The following NBEA variants were observed in gnomAD, a reference collection of about 807,000 sequenced individuals.
NBEA encodes the protein lysosomal-trafficking regulator 2.
In NBEA, 44 loss-of-function variants were observed where a neutral mutation model predicts 343.4. The ratio of observed to expected loss-of-function variants is 0.13; its 90% confidence interval spans 0.10 to 0.16. The LOEUF is 0.16. Among genes scored for constraint, NBEA ranks in the 10% least tolerant of loss-of-function variants. The pLI is 1.00. For missense variants in NBEA, 2,555 were observed against 3,631.3 expected, an observed-to-expected ratio of 0.70 and a Z score of 7.62; for synonymous variants, 1,175 against 1,238.7, an observed-to-expected ratio of 0.95 and a Z score of 1.08.
intron 38 of NBEA, among the ~76,000 whole-genome samples, chr13:35,402,153 T>G (rs1476204791): frequency 6.6e-6 from 1 of 151,944 alleles, no homozygotes; most frequent in East Asian, 1.9e-4. Context: ...AATATAAAAT[T>G]TAAATATAAT....
chr13:35,294,194 A>AAAT (rs1317408556), intron 35 of NBEA, among the ~76,000 whole-genome samples: 1 of 152,006 alleles, frequency 6.6e-6, no homozygotes, highest in Non-Finnish European at 1.5e-5. Flanking sequence ...TCAAAGCATT[A>AAAT]ACCCAGGACT....
At chr13:35,049,794 G>A (rs761649449) in intron 5 of NBEA, among the ~76,000 whole-genome samples, 5 of 151,718 alleles carry the variant, frequency 3.3e-5, no homozygotes, top group South Asian at 4.1e-4. Flanking sequence ...AACTAAAAAT[G>A]TACTGCTTTG....
chr13:35,332,105 T>C (rs1337294706), intron 36 of NBEA, among the ~76,000 whole-genome samples: 1 of 152,084 alleles, frequency 6.6e-6, no homozygotes, highest in Non-Finnish European at 1.5e-5. Flanking sequence ...GGTGATTTCA[T>C]ACTTCATGAC....
chr13:35,090,172 T>G (rs1309466115), intron 10 of NBEA, among the ~76,000 whole-genome samples: 2 of 151,908 alleles, frequency 1.3e-5, no homozygotes, highest in Non-Finnish European at 2.9e-5. Context: ...CAGTAAAGGT[T>G]TATGTAGTGT....
intron 13 of NBEA, among the ~76,000 whole-genome samples, chr13:35,112,136 G>A (rs928362932): frequency 4.0e-5 from 6 of 151,562 alleles, no homozygotes; most frequent in African/African-American, 1.5e-4. Context: ...CCAGGATGGT[G>A]TTGATCTCCT....
intron 36 of NBEA, among the ~76,000 whole-genome samples, chr13:35,340,483 T>C (rs1387412562): frequency 6.6e-6 from 1 of 152,070 alleles, no homozygotes; most frequent in Non-Finnish European, 1.5e-5. Flanking sequence ...GAATTATTAA[T>C]ATTTCTAAAT....
chr13:35,322,330 G>A (rs1033582146), intron 36 of NBEA, among the ~76,000 whole-genome samples: 2 of 152,132 alleles, frequency 1.3e-5, no homozygotes, highest in Non-Finnish European at 2.9e-5. Context: ...AGTCCCTCAC[G>A]GCTTCCCTTG....
At chr13:35,511,056 G>A (rs1324724038) in intron 41 of NBEA, among the ~76,000 whole-genome samples, 1 of 152,126 alleles carries the variant, frequency 6.6e-6, no homozygotes, top group Non-Finnish European at 1.5e-5. Context: ...CATCATTCAA[G>A]TTTGCTATTG....
intron 41 of NBEA, among the ~76,000 whole-genome samples, chr13:35,489,664 C>T (rs946357709): frequency 1.3e-5 from 2 of 151,806 alleles, no homozygotes; most frequent in Admixed American, 6.6e-5. Flanking sequence ...ACTTATTAGT[C>T]CCCAGGCTTG....
In NBEA at chr13:35,427,517, G is replaced by GCCGTGTGAGGTGTCAGTCCGCC. The variant is rs1351555492; in HGVS notation, c.6180-4749_6180-4728dup. On this transcript the variant is annotated intron_variant, in intron 38 of 58. Coordinates refer to ENST00000379939, the MANE Select transcript of NBEA (RefSeq NM_001385012.1). ...AAGTTTTGTCTCAGAGGAGTACCCG[G>GCCGTGTGAGGTGTCAGTCCGCC]CCGTGTGAGGTGTCAGTCCGCCCCT... 8.2e-4 allele frequency among the ~76,000 whole-genome samples: 125 copies of GCCGTGTGAGGTGTCAGTCCGCC among 152,290 alleles called. 1 individual carries two copies. Among genetic ancestry groups the GCCGTGTGAGGTGTCAGTCCGCC allele is most frequent in the African/African-American group, 2.8e-3 (118 of 41,548 alleles).
At chr13:35,427,316 G>T (rs1476983844) in intron 38 of NBEA, among the ~76,000 whole-genome samples, 2 of 152,106 alleles carry the variant, frequency 1.3e-5, no homozygotes, top group Non-Finnish European at 2.9e-5. Context: ...TTTTTGGTGT[G>T]GATGTCCTTC....
intron 1 of NBEA, among the ~76,000 whole-genome samples, chr13:35,004,739 A>G (rs1160828862): frequency 5.9e-5 from 9 of 152,186 alleles, no homozygotes; most frequent in Admixed American, 5.9e-4. Context: ...GGTATATGAC[A>G]TGATGAAGAT....
intron 38 of NBEA, among the ~76,000 whole-genome samples, chr13:35,402,185 C>T (rs539455298): frequency 2.0e-4 from 31 of 151,788 alleles, no homozygotes; most frequent in Non-Finnish European, 7.4e-5. Flanking sequence ...ATATAAATCT[C>T]GAAGTAAATA....
chr13:35,488,247 T>C (rs1056580776), intron 41 of NBEA, among the ~76,000 whole-genome samples: 2 of 151,946 alleles, frequency 1.3e-5, no homozygotes, highest in Non-Finnish European at 1.5e-5. Flanking sequence ...CTTTAATGAA[T>C]TTAATGTTTT....
intron 1 of NBEA, among the ~76,000 whole-genome samples, chr13:34,975,840 T>C (rs928227963): frequency 6.6e-6 from 1 of 152,178 alleles, no homozygotes; most frequent in Non-Finnish European, 1.5e-5. Flanking sequence ...ACATCACTTA[T>C]TATCAGGGAA....
chr13:35,028,696 A>T (rs1028623381), intron 1 of NBEA, among the ~76,000 whole-genome samples: 3 of 151,900 alleles, frequency 2.0e-5, no homozygotes, highest in Admixed American at 6.6e-5. Context: ...CAGTGGTTGT[A>T]CAACTGTCAA....
At chr13:35,555,708 T>G (rs1330904239) in intron 44 of NBEA, among the ~76,000 whole-genome samples, 1 of 152,040 alleles carries the variant, frequency 6.6e-6, no homozygotes, top group African/African-American at 2.4e-5. Flanking sequence ...ATCTTTTTTC[T>G]TAAGTTAAGC....
intron 41 of NBEA, among the ~76,000 whole-genome samples, chr13:35,490,272 A>G (rs1486031979): frequency 6.6e-6 from 1 of 151,942 alleles, no homozygotes; most frequent in East Asian, 1.9e-4. Flanking sequence ...TAGAAACTAT[A>G]GTAGAATTTA....
chr13:35,438,954 C>T (rs1324779425), intron 39 of NBEA, among the ~76,000 whole-genome samples: 2 of 152,320 alleles, frequency 1.3e-5, no homozygotes, highest in Middle Eastern at 3.4e-3. Flanking sequence ...AGATTTTAAA[C>T]AGACTCAGAG....
Sources: gnomAD v4.1 joint callset for allele counts (sites outside exome capture counted in the v4.1 genomes callset) on GRCh38, gnomAD v4.1.1 for gene constraint, MANE v1.5 for transcripts, NCBI Gene and HGNC (gene_info 2026-07-23, HGNC 2026-07-21) for gene names.